ZBTB7A: variants seen among roughly 807,000 people sequenced by gnomAD.
The protein encoded by ZBTB7A is zinc finger and BTB domain-containing protein 7A.
Under a neutral mutation model 26.7 loss-of-function variants are expected in ZBTB7A, and 7 were observed. The observed-to-expected ratio is 0.26, with a 90% confidence interval of 0.15 to 0.49. The LOEUF (loss-of-function observed/expected upper bound fraction) is 0.49. Ranked by LOEUF, ZBTB7A falls within the 20% of genes least tolerant of loss-of-function variation. ZBTB7A has a pLI of 0.98. For missense variants in ZBTB7A, 617 were observed against 919.5 expected (o/e 0.67, Z 4.25); for synonymous variants, 452 against 441.0 (o/e 1.02, Z -0.31).
At chr19:4,053,657 T>C (rs1003484229) in intron 2 of ZBTB7A, among the ~76,000 whole-genome samples, 1 of 149,272 alleles carries the variant, frequency 6.7e-6, no homozygotes, top group African/African-American at 2.5e-5. Flanking sequence ...CTGTGTAGCA[T>C]GTCTGTATGT....
chr19:4,049,757 G>A (rs971427301), intron 2 of ZBTB7A, among the ~76,000 whole-genome samples: 2 of 151,980 alleles, frequency 1.3e-5, no homozygotes, highest in Non-Finnish European at 2.9e-5. Context: ...CCACCCTGAC[G>A]TGCAAAGGTG....
At chr19:4,058,674 C>T (rs2040608956) in intron 1 of ZBTB7A, among the ~76,000 whole-genome samples, 1 of 152,260 alleles carries the variant, frequency 6.6e-6, no homozygotes, top group African/African-American at 2.4e-5. Flanking sequence ...CTCCGGGCCA[C>T]CAGACCCTCC....
In ZBTB7A at chr19:4,043,599, C is replaced by T. The variant is rs562903943; in HGVS notation, c.*4153G>A. Reference sequence around the variant, plus strand: ...GGCCCCTCCAAAGTCCAAGGCACCTCGATTCTGGGCCTGGGGTGGGGTGGG... The same window carrying T: ...GGCCCCTCCAAAGTCCAAGGCACCTTGATTCTGGGCCTGGGGTGGGGTGGG... On this transcript the variant is annotated 3_prime_UTR_variant, in exon 3 of 3. Coordinates refer to ENST00000322357, the MANE Select transcript of ZBTB7A (RefSeq NM_015898.4). Among the ~76,000 whole-genome samples the T allele has an allele frequency of 6.6e-5, 10 of 151,632 alleles. No individual in the cohort carries two copies. Among genetic ancestry groups the T allele is most frequent in the Non-Finnish European group, 1.2e-4 (8 of 67,870 alleles).
rs1568233155 is a variant in ZBTB7A at position 4,053,985 on chromosome 19, C to T, written c.1248G>A (p.Lys416=). 6.2e-7 allele frequency: 1 copy of T among 1,603,594 alleles called. No homozygotes were observed. Among genetic ancestry groups the T allele is most frequent in the Non-Finnish European group, 8.5e-7 (1 of 1,176,022 alleles). Residue 416 remains lysine (K), a synonymous_variant, in exon 2 of 3, where the codon AAG becomes AAA. Transcript: ENST00000322357. The part of the protein sequence containing the change: ...GEKPYECNIC[K]VRFTRQDKLK... ...GGGCAGCTCACCTGGTGAAGCGGAC[C>T]TTGCAGATGTTGCACTCGTAGGGCT... is the stretch of plus-strand genomic sequence containing the variant.
In ZBTB7A at chr19:4,054,924, G is replaced by A. The variant is rs764463729; in HGVS notation, c.309C>T (p.Asn103=). 5.6e-6 allele frequency: 9 copies of A among 1,611,360 alleles called. No individual in the cohort carries two copies. The South Asian group carries it at 9.9e-5, about 18-fold the overall frequency. ...GGGCGGCGCTGAGGATGTCACCCAC[G>A]TTGGCTGTGCTGACGGTGAGCGTGG... is the stretch of plus-strand genomic sequence containing the variant. ...YTATLTVSTA[N]VGDILSAARL... The change falls in exon 2 of 3, where the codon AAC becomes AAT. Residue 103 remains asparagine, a synonymous_variant. Coordinates refer to ENST00000322357, the MANE Select transcript of ZBTB7A (RefSeq NM_015898.4).
chr19:4,054,317 C>G lies in ZBTB7A; in HGVS notation c.916G>C (p.Gly306Arg). The change falls in exon 2 of 3, where the codon GGG becomes CGG. Residue 306 changes from glycine to arginine, a missense_variant. By Grantham distance (125) the Gly-to-Arg change is moderately radical. Around this residue, in one of 5 missense-constraint regions of ZBTB7A, gnomAD observed 331 missense variants for 391.3 expected, o/e 0.85. Transcript: ENST00000322357. ...AGCCCGTCCACGTCGGGCCCGTCCC[C>G]GTCCTCGCCCTCGGCCGCTCCCGAC... is the stretch of plus-strand genomic sequence containing the variant. ...FLSGAAEGED[G>R]DGPDVDGLAA... is the part of the protein sequence containing the mutation. 19 of 1,523,344 alleles carry G rather than the reference C, an allele frequency of 1.2e-5. No homozygotes were observed. The highest frequency in any genetic ancestry group is 1.7e-5 in the Non-Finnish European group (19 of 1,142,196). 94.4% of individuals were successfully genotyped at this position (1,523,344 alleles called of 1,614,324 possible). A position where few individuals can be genotyped will look rare whatever the true frequency, so the allele number is the denominator to read the frequency against.
chr19:4,053,935 A>G (rs201550257), intron 2 of ZBTB7A, 36 bp downstream of exon 2: 93 of 1,554,264 alleles, frequency 6.0e-5, no homozygotes, highest in Non-Finnish European at 7.9e-5. Context: ...TGGGGCAGAG[A>G]GCAGGACGGC....
intron 1 of ZBTB7A, among the ~76,000 whole-genome samples, chr19:4,064,647 G>A (rs1299216390): frequency 1.3e-5 from 2 of 152,238 alleles, no homozygotes; most frequent in Non-Finnish European, 2.9e-5. Flanking sequence ...TCTGAGGTTG[G>A]GGCGGGGGGC....
rs749935719 is a variant in ZBTB7A, at chr19:4,054,710, C to CG, written c.522dup (p.Ala175ArgfsTer19). 11 of 1,575,312 alleles carry CG rather than the reference C, an allele frequency of 7.0e-6. No individual in the cohort carries two copies. Among genetic ancestry groups the CG allele is most frequent in the Non-Finnish European group, 6.0e-6 (7 of 1,160,684 alleles). ...AAGCTGGCAGCGGCGGCGGCGGCCG[C>CG]GGGGGGCAGGCTGTTCATGGGGTTG... On this transcript the variant is annotated frameshift_variant, in exon 2 of 3. Coordinates refer to ENST00000322357, the MANE Select transcript of ZBTB7A (RefSeq NM_015898.4). LOFTEE classifies it high-confidence loss of function.
chr19:4,053,508 CGT>C (rs10605999), intron 2 of ZBTB7A, among the ~76,000 whole-genome samples: 34,462 of 87,998 alleles, frequency 0.39, 4,772 homozygotes, highest in African/African-American at 0.58. Flanking sequence ...CCTGGGTGTG[CGT>C]GTGTGCGTGC....
chr19:4,059,550 G>C (rs542371273), intron 1 of ZBTB7A, among the ~76,000 whole-genome samples: 5 of 152,280 alleles, frequency 3.3e-5, no homozygotes, highest in African/African-American at 1.2e-4. Flanking sequence ...AGAATGCCGG[G>C]GCCCAGAGAG....
At position 4,060,658 on chromosome 19, in the gene ZBTB7A, C is replaced by T. The variant is rs142223326; in HGVS notation, c.-15-5411G>A. 5.1e-3 allele frequency among the ~76,000 whole-genome samples: 783 copies of T among 152,324 alleles called. 10 individuals carry two copies. The highest frequency in any genetic ancestry group is 0.018 in the African/African-American group (754 of 41,572). The stretch of plus-strand genomic sequence containing the variant: ...GCATCCCAAGAAGGGCACCCCAGCA[C>T]GGGGAGCATCAGGAACTGAGGCCTG... On this transcript the variant is annotated intron_variant, in intron 1 of 2. Coordinates refer to ENST00000322357, the MANE Select transcript of ZBTB7A (RefSeq NM_015898.4).
rs1441635413 is a variant in ZBTB7A at position 4,043,732 on chromosome 19, C to G, written c.*4020G>C. On this transcript the variant is annotated 3_prime_UTR_variant, in exon 3 of 3. Coordinates refer to ENST00000322357, the MANE Select transcript of ZBTB7A (RefSeq NM_015898.4). ...CCCCCTGGGCCCGGCCCCCCCCCCC[C>G]CCCCCCGTAAATCTATGTATTTAAT... 1.3e-4 allele frequency among the ~76,000 whole-genome samples: 17 copies of G among 126,478 alleles called. No individual in the cohort carries two copies. The highest frequency in any genetic ancestry group is 1.8e-4 in the Non-Finnish European group (11 of 60,728). The allele number at this position is 126,478 out of a possible 152,430, so 83.0% of individuals were successfully genotyped here.
rs2040447556 is a variant in ZBTB7A at position 4,048,121 on chromosome 19, G to A, written c.1386C>T (p.Gly462=). Reference sequence around the variant, plus strand: ...AGCTGTCGCACTGGTAGGGGCGCAGGCCCGTGTGCACGCGCATGTGGTTCT... The same window carrying A: ...AGCTGTCGCACTGGTAGGGGCGCAGACCCGTGTGCACGCGCATGTGGTTCT... ...DLKNHMRVHT[G]LRPYQCDSCC... Residue 462 remains glycine, a synonymous_variant, in exon 3 of 3, where the codon GGC becomes GGT. Coordinates refer to ENST00000322357, the MANE Select transcript of ZBTB7A (RefSeq NM_015898.4). This position sits in a 1 kb window ranked among gnomAD's most constrained non-coding sequence, Gnocchi z 6.7. The A allele has an allele frequency of 1.2e-6, 2 of 1,611,280 alleles. No homozygotes were observed. The highest frequency in any genetic ancestry group is 1.3e-5 in the African/African-American group (1 of 74,862).
Position 4,054,861 on chromosome 19 carries a change from G to A in ZBTB7A, c.372C>T (p.Ala124=), listed in dbSNP as rs1292662163. Residue 124 remains alanine, a synonymous_variant, in exon 2 of 3, where the codon GCC becomes GCT. Transcript: ENST00000322357. ...CCAGGATCTGCCGGTCCAGGAGGTC[G>A]GCGCACACGTGGCTCACGGCGGGGA... ...LEIPAVSHVC[A]DLLDRQILAA... 7 of 1,609,050 alleles carry A rather than the reference G, an allele frequency of 4.4e-6. No individual in the cohort carries two copies. Among genetic ancestry groups the A allele is most frequent in the Non-Finnish European group, 5.9e-6 (7 of 1,177,744 alleles).
chr19:4,045,927 A>C lies in ZBTB7A; in HGVS notation c.*1825T>G. The C allele has an allele frequency of 2.5e-6, 1 of 398,166 alleles. No individual in the cohort carries two copies. Among genetic ancestry groups the C allele is most frequent in the Non-Finnish European group, 4.4e-6 (1 of 225,922 alleles). The allele number at this position is 398,166 out of a possible 1,614,324, so 24.7% of individuals were successfully genotyped here. A position where few individuals can be genotyped will look rare whatever the true frequency, so the allele number is the denominator to read the frequency against. On this transcript the variant is annotated 3_prime_UTR_variant, in exon 3 of 3. Transcript: ENST00000322357. The surrounding 1 kb of genome is among the most constrained non-coding windows in gnomAD (Gnocchi z 4.1). ...GGTGGGGAGAGGGGCGGTGGTTCTA[A>C]GGCCCTGGAGGTGGGGGGCCCCTGT...
rs73534134 is a variant in ZBTB7A, at chr19:4,052,150, G to A, written c.1262+1821C>T. Among the ~76,000 whole-genome samples the A allele has an allele frequency of 0.031, 4,737 of 152,294 alleles. 187 individuals are homozygous for A. Among genetic ancestry groups the A allele is most frequent in the African/African-American group, 0.092 (3,830 of 41,544 alleles). On this transcript the variant is annotated intron_variant, in intron 2 of 2. Coordinates refer to ENST00000322357, the MANE Select transcript of ZBTB7A (RefSeq NM_015898.4). The surrounding 1 kb of genome is among the most constrained non-coding windows in gnomAD (Gnocchi z 4.9). ...TTCTCTGACTGAGGGGATCAGCCCCGGGTCGGGTGGGATAGCCAGCAGTGC... is the reference window on the plus strand; with the variant it reads ...TTCTCTGACTGAGGGGATCAGCCCCAGGTCGGGTGGGATAGCCAGCAGTGC...
chr19:4,065,188 C>T (rs2040680404), intron 1 of ZBTB7A, among the ~76,000 whole-genome samples: 1 of 151,590 alleles, frequency 6.6e-6, no homozygotes, highest in Non-Finnish European at 1.5e-5. Flanking sequence ...CCAGAGGAGA[C>T]GGGGTCACGC....
Position 4,046,012 on chromosome 19 carries a change from G to T in ZBTB7A, c.*1740C>A. On this transcript the variant is annotated 3_prime_UTR_variant, in exon 3 of 3. Transcript: ENST00000322357. ...CAGCTCCTTGGTGGCCATGCGGGAG[G>T]GACAGGCGTGTTGGGGGATTGGGGG... The T allele has an allele frequency of 2.5e-6, 1 of 399,058 alleles. No homozygotes were observed. Among genetic ancestry groups the T allele is most frequent in the Non-Finnish European group, 4.4e-6 (1 of 226,122 alleles). The allele number at this position is 399,058 out of a possible 1,614,324, so 24.7% of individuals were successfully genotyped here.
Sources: gnomAD v4.1 joint callset for allele counts (sites outside exome capture counted in the v4.1 genomes callset) on GRCh38, gnomAD v4.1.1 for gene constraint, gnomAD v4.1.1 regional missense constraint, Gnocchi (gnomAD v3.1) non-coding constraint, MANE v1.5 for transcripts, NCBI Gene and HGNC (gene_info 2026-07-23, HGNC 2026-07-21) for gene names.